RNF150: variants seen among roughly 807,000 people sequenced by gnomAD.
RNF150 encodes the protein ring finger protein 150.
A neutral mutation model predicts 39.3 loss-of-function variants in RNF150; 24 were observed. The observed-to-expected ratio is 0.61, with a 90% CI of 0.44 to 0.86. The LOEUF (loss-of-function observed/expected upper bound fraction) is 0.86. Among genes scored for constraint, RNF150 ranks in the 40% least tolerant of loss-of-function variants. The pLI, the probability that RNF150 is intolerant of heterozygous loss-of-function variation, is 0.00. For missense variants in RNF150, 502 were observed against 587.8 expected, an observed-to-expected ratio of 0.85 and a Z score of 1.51; for synonymous variants, 255 against 227.3, an observed-to-expected ratio of 1.12 and a Z score of -1.10.
At chr4:141,172,608 C>T (rs1259937793) in intron 1 of RNF150, among the ~76,000 whole-genome samples, 2 of 152,142 alleles carry the variant, frequency 1.3e-5, no homozygotes, top group Non-Finnish European at 2.9e-5. Context: ...GCTGGTGAGC[C>T]GTGTGCCCAT....
intron 5 of RNF150, among the ~76,000 whole-genome samples, chr4:140,916,300 A>C: frequency 6.6e-6 from 1 of 152,208 alleles, no homozygotes; most frequent in East Asian, 1.9e-4. Context: ...ACTTTGAAAA[A>C]AATTTAGATG....
At chr4:140,885,201 CTT>C (rs752444379) in intron 6 of RNF150, among the ~76,000 whole-genome samples, 7 of 129,126 alleles carry the variant, frequency 5.4e-5, no homozygotes, top group Non-Finnish European at 9.8e-5. Flanking sequence ...CAACATCAGT[CTT>C]TTTTTTTTTT....
intron 1 of RNF150, among the ~76,000 whole-genome samples, chr4:141,199,317 T>G (rs1480632313): frequency 6.6e-6 from 1 of 152,246 alleles, no homozygotes; most frequent in East Asian, 1.9e-4. Flanking sequence ...TGTCAGTTTC[T>G]TATTAAGACA....
chr4:141,083,228 C>G (rs1738229338), intron 1 of RNF150, among the ~76,000 whole-genome samples: 2 of 152,172 alleles, frequency 1.3e-5, no homozygotes, highest in South Asian at 2.1e-4. Context: ...ACTCAAAAAG[C>G]ACACAGAGCC....
chr4:141,142,914 G>A (rs867358236), intron 1 of RNF150, among the ~76,000 whole-genome samples: 6 of 151,120 alleles, frequency 4.0e-5, no homozygotes, highest in African/African-American at 1.5e-4. Flanking sequence ...CTGTCACCCA[G>A]GCTGGAGTGC....
intron 2 of RNF150, among the ~76,000 whole-genome samples, chr4:140,959,743 T>C (rs58972203): frequency 6.6e-6 from 1 of 151,954 alleles, no homozygotes; most frequent in African/African-American, 2.4e-5. Context: ...CAGAGTGTCA[T>C]TGTGCACTGG....
intron 1 of RNF150, among the ~76,000 whole-genome samples, chr4:141,111,382 T>C (rs1739379521): frequency 6.6e-6 from 1 of 152,234 alleles, no homozygotes; most frequent in Admixed American, 6.5e-5. Flanking sequence ...AGTCTCATTT[T>C]ATTTTGTGGT....
At chr4:141,209,270 T>A (rs1728423185) in intron 1 of RNF150, among the ~76,000 whole-genome samples, 1 of 152,144 alleles carries the variant, frequency 6.6e-6, no homozygotes, top group Admixed American at 6.5e-5. Context: ...CAAAATAGTA[T>A]GTTTAATATA....
chr4:140,986,006 T>C (rs995232196), intron 1 of RNF150, among the ~76,000 whole-genome samples: 1 of 152,088 alleles, frequency 6.6e-6, no homozygotes, highest in Non-Finnish European at 1.5e-5. Context: ...TTTGACATTT[T>C]AAGTGGAGTG....
At chr4:141,043,648 C>T (rs1383072640) in intron 1 of RNF150, among the ~76,000 whole-genome samples, 1 of 152,072 alleles carries the variant, frequency 6.6e-6, no homozygotes, top group Non-Finnish European at 1.5e-5. Context: ...TAGCCATATA[C>T]ATGTAAAATT....
At chr4:141,073,715 A>T (rs1737791751) in intron 1 of RNF150, among the ~76,000 whole-genome samples, 1 of 152,098 alleles carries the variant, frequency 6.6e-6, no homozygotes, top group African/African-American at 2.4e-5. Flanking sequence ...TTAAAATTTA[A>T]ATTCAATGTA....
At chr4:140,986,038 T>G (rs1392655109) in intron 1 of RNF150, among the ~76,000 whole-genome samples, 4 of 152,106 alleles carry the variant, frequency 2.6e-5, no homozygotes, top group Non-Finnish European at 5.9e-5. Context: ...GTAATAATAT[T>G]GCAGCCAAGC....
chr4:140,916,825 C>T (rs1183503508), intron 5 of RNF150, among the ~76,000 whole-genome samples: 2 of 152,354 alleles, frequency 1.3e-5, no homozygotes, highest in Admixed American at 6.5e-5. Context: ...GGAAGCCCAT[C>T]AGACTAACAG....
At chr4:141,210,812 A>C (rs976809626) in intron 1 of RNF150, among the ~76,000 whole-genome samples, 2 of 151,748 alleles carry the variant, frequency 1.3e-5, no homozygotes, top group East Asian at 1.9e-4. Flanking sequence ...GCTAAAAAAA[A>C]CCTCCATTTG....
intron 1 of RNF150, among the ~76,000 whole-genome samples, chr4:140,983,434 C>T (rs1486981266): frequency 6.6e-6 from 1 of 152,122 alleles, no homozygotes; most frequent in African/African-American, 2.4e-5. Context: ...CTTTTCTTAT[C>T]ATTGTTACCC....
intron 1 of RNF150, among the ~76,000 whole-genome samples, chr4:141,104,178 T>A (rs1739117680): frequency 6.6e-6 from 1 of 152,098 alleles, no homozygotes; most frequent in Non-Finnish European, 1.5e-5. Flanking sequence ...TGGAGAATGT[T>A]CAGAGGCTGC....
At chr4:141,203,821 CT>C (rs1466932800) in intron 1 of RNF150, among the ~76,000 whole-genome samples, 1 of 151,684 alleles carries the variant, frequency 6.6e-6, no homozygotes, top group Non-Finnish European at 1.5e-5. Flanking sequence ...GTCTTCTTGG[CT>C]TTTGGTAAGG....
intron 4 of RNF150, among the ~76,000 whole-genome samples, chr4:140,942,509 A>G (rs1732129246): frequency 6.6e-6 from 1 of 152,260 alleles, no homozygotes; most frequent in African/African-American, 2.4e-5. Flanking sequence ...ACCTTATTTA[A>G]GTCCAGGTGG....
intron 1 of RNF150, among the ~76,000 whole-genome samples, chr4:141,057,992 A>G (rs1737056115): frequency 6.6e-6 from 1 of 152,210 alleles, no homozygotes. Flanking sequence ...ATAGCAAGCT[A>G]CTGTGGCTAG....
Sources: allele counts gnomAD v4.1 joint callset (sites outside exome capture counted in the v4.1 genomes callset), GRCh38; gene constraint gnomAD v4.1.1; transcripts MANE v1.5; gene names NCBI Gene and HGNC (gene_info 2026-07-23, HGNC 2026-07-21).